NBEA: variants seen among roughly 807,000 people sequenced by gnomAD.
NBEA encodes neurobeachin, also known as lysosomal-trafficking regulator 2.
NBEA carries 44 observed loss-of-function variants against 343.4 expected under a neutral mutation model. The observed-to-expected ratio is 0.13, with a 90% CI of 0.10 to 0.16. NBEA has a LOEUF of 0.16. Among genes scored for constraint, NBEA ranks in the 10% least tolerant of loss-of-function variants. The pLI, the probability that NBEA is intolerant of heterozygous loss-of-function variation, is 1.00. For missense variants in NBEA, 2,555 were observed against 3,631.3 expected (o/e 0.70, Z 7.62); for synonymous variants, 1,175 against 1,238.7 (o/e 0.95, Z 1.08).
chr13:34,998,272 CAG>C (rs1459142643), intron 1 of NBEA, among the ~76,000 whole-genome samples: 1 of 152,112 alleles, frequency 6.6e-6, no homozygotes, highest in Non-Finnish European at 1.5e-5. Context: ...TAAGATATCA[CAG>C]GGTAAATGGA....
intron 41 of NBEA, chr13:35,475,847 C>A (rs1268709729): frequency 1.2e-6 from 2 of 1,614,052 alleles, no homozygotes; most frequent in Non-Finnish European, 1.7e-6. Flanking sequence ...TTCAGCACCG[C>A]GCAGCCGGGC....
In NBEA at chr13:35,550,566, T is replaced by C. The variant is rs761417909; in HGVS notation, c.6675T>C (p.Thr2225=). 2 of 1,612,768 alleles carry C rather than the reference T, an allele frequency of 1.2e-6. No homozygotes were observed. The highest frequency in any genetic ancestry group is 1.7e-6 in the Non-Finnish European group (2 of 1,178,980). The change falls in exon 42 of 59, where the codon ACT becomes ACC. Residue 2225 remains threonine (T), a synonymous_variant. Coordinates refer to ENST00000379939, the MANE Select transcript of NBEA (RefSeq NM_001385012.1). ...VFSRRYLLQN[T]ALEVFMANRT... ...CAAGACGTTACCTTCTACAAAACAC[T>C]GCTTTGGAAGTATTTATGGCAAACC...
At chr13:35,647,768 T>C (rs917767463) in intron 51 of NBEA, among the ~76,000 whole-genome samples, 7 of 152,162 alleles carry the variant, frequency 4.6e-5, no homozygotes, top group African/African-American at 1.7e-4. Flanking sequence ...GGTTTCACCA[T>C]GTTGGTCAGG....
intron 34 of NBEA, among the ~76,000 whole-genome samples, chr13:35,246,124 T>C (rs903400763): frequency 6.6e-6 from 1 of 152,196 alleles, no homozygotes; most frequent in African/African-American, 2.4e-5. Flanking sequence ...GTGTCCTTTG[T>C]TTTCTGAAGT....
Position 35,672,274 on chromosome 13 carries a change from A to T in NBEA, c.*1283A>T, listed in dbSNP as rs914511480. 3 of 152,632 alleles carry T rather than the reference A, an allele frequency of 2.0e-5. No homozygotes were observed. Among genetic ancestry groups the T allele is most frequent in the Non-Finnish European group, 4.4e-5 (3 of 68,032 alleles). 9.5% of individuals were successfully genotyped at this position (152,632 alleles called of 1,614,324 possible). A position where few individuals can be genotyped will look rare whatever the true frequency, so the allele number is the denominator to read the frequency against. Reference sequence around the variant, plus strand: ...GTAGGGCTATGAGGCATGTTACAGGAATGTAATTTTCTCAGAATTTACACT... The same window carrying T: ...GTAGGGCTATGAGGCATGTTACAGGTATGTAATTTTCTCAGAATTTACACT... On this transcript the variant is annotated 3_prime_UTR_variant, in exon 59 of 59. Coordinates refer to ENST00000379939, the MANE Select transcript of NBEA (RefSeq NM_001385012.1).
At chr13:35,162,228 A>T (rs920586423) in intron 23 of NBEA, among the ~76,000 whole-genome samples, 1 of 152,184 alleles carries the variant, frequency 6.6e-6, no homozygotes, top group African/African-American at 2.4e-5. Flanking sequence ...TTCAAAGATG[A>T]TAACTTAGAC....
At chr13:35,371,558 C>T (rs897710095) in intron 38 of NBEA, among the ~76,000 whole-genome samples, 1 of 151,918 alleles carries the variant, frequency 6.6e-6, no homozygotes, top group African/African-American at 2.4e-5. Flanking sequence ...TCATATCTTA[C>T]TGAGTTTCTT....
chr13:35,238,678 G>A (rs2152776212), intron 34 of NBEA, among the ~76,000 whole-genome samples: 1 of 152,240 alleles, frequency 6.6e-6, no homozygotes. Context: ...TGAGATACAT[G>A]AGGCTCTCCC....
chr13:35,549,609 T>C lies in NBEA; in HGVS notation c.6586-868T>C, dbSNP rs569661043. 9.2e-5 allele frequency among the ~76,000 whole-genome samples: 14 copies of C among 152,280 alleles called. No individual in the cohort carries two copies. In the South Asian group the frequency reaches 2.7e-3, roughly 29 times the overall value. On this transcript the variant is annotated intron_variant, in intron 41 of 58. Coordinates refer to ENST00000379939, the MANE Select transcript of NBEA (RefSeq NM_001385012.1). ...AGAGCCAACCTTGGCCTTCCTCTCA[T>C]AGTTACACAATTGCTGCTACAGTTT...
rs75509000 is a variant in NBEA, at chr13:35,668,161, T to C, written c.8662-207T>C. On this transcript the variant is annotated intron_variant, in intron 57 of 58. Coordinates refer to ENST00000379939, the MANE Select transcript of NBEA (RefSeq NM_001385012.1). ...TAAGATCTTTTGTATATGTAAGAAC[T>C]TCGATGAATTCCACAATGGAAATTC... Among the ~76,000 whole-genome samples the C allele has an allele frequency of 9.8e-5, 15 of 152,332 alleles. No homozygotes were observed. In the East Asian group the frequency reaches 2.5e-3, roughly 25 times the overall value.
At chr13:35,027,520 C>T (rs2062058069) in intron 1 of NBEA, among the ~76,000 whole-genome samples, 2 of 151,996 alleles carry the variant, frequency 1.3e-5, no homozygotes, top group South Asian at 4.1e-4. Context: ...ATGTTTTCTG[C>T]CCATTTTCTG....
chr13:35,040,523 CTT>C (rs3045198), intron 1 of NBEA, among the ~76,000 whole-genome samples: 3,506 of 152,078 alleles, frequency 0.023, 58 homozygotes, highest in South Asian at 0.075. Context: ...AGTTATATCT[CTT>C]TGTCTGTAAG....
At chr13:35,084,875 A>T (rs938278743) in intron 10 of NBEA, among the ~76,000 whole-genome samples, 1 of 152,134 alleles carries the variant, frequency 6.6e-6, no homozygotes, top group African/African-American at 2.4e-5. Flanking sequence ...AATCAAATAG[A>T]TGCAATAAAA....
chr13:35,221,010 G>A (rs949727846), intron 33 of NBEA, among the ~76,000 whole-genome samples: 1 of 151,918 alleles, frequency 6.6e-6, no homozygotes, highest in Non-Finnish European at 1.5e-5. Flanking sequence ...TTAATTTCAA[G>A]TTTTATAAGT....
chr13:35,149,007 G>C (rs1233487779), intron 18 of NBEA, among the ~76,000 whole-genome samples: 1 of 152,140 alleles, frequency 6.6e-6, no homozygotes, highest in African/African-American at 2.4e-5. Flanking sequence ...GTAAATTTAA[G>C]AGTGGCTGCT....
At chr13:35,096,319 A>G (rs2065328377) in intron 10 of NBEA, among the ~76,000 whole-genome samples, 1 of 151,660 alleles carries the variant, frequency 6.6e-6, no homozygotes, top group Non-Finnish European at 1.5e-5. Flanking sequence ...TTAATATTGA[A>G]GTGAAATTAA....
chr13:35,269,457 A>G (rs1224090335), intron 34 of NBEA, among the ~76,000 whole-genome samples: 2 of 152,150 alleles, frequency 1.3e-5, no homozygotes, highest in Admixed American at 6.5e-5. Flanking sequence ...TACAGTAAAT[A>G]TGGGGGATGC....
intron 38 of NBEA, among the ~76,000 whole-genome samples, chr13:35,426,131 C>A (rs1003780523): frequency 6.6e-6 from 1 of 152,136 alleles, no homozygotes; most frequent in African/African-American, 2.4e-5. Flanking sequence ...TTAATTGGAG[C>A]ATTTAGCCCA....
chr13:35,224,039 G>A (rs1182471989), intron 33 of NBEA, among the ~76,000 whole-genome samples: 1 of 152,120 alleles, frequency 6.6e-6, no homozygotes, highest in African/African-American at 2.4e-5. Flanking sequence ...CTTGCGCATG[G>A]CCTCCTACAT....
Sources: gnomAD v4.1 joint callset for allele counts (sites outside exome capture counted in the v4.1 genomes callset) on GRCh38, gnomAD v4.1.1 for gene constraint, MANE v1.5 for transcripts, NCBI Gene and HGNC (gene_info 2026-07-23, HGNC 2026-07-21) for gene names.